Variants in TBC1D10C observed in about 807,000 individuals in gnomAD.
TBC1D10C encodes the protein TBC1 domain family member 10C.
TBC1D10C carries 49 observed loss-of-function variants against 51.0 expected under a neutral mutation model. That is an observed-to-expected ratio of 0.96 (90% confidence interval 0.76 to 1.22). The LOEUF (loss-of-function observed/expected upper bound fraction) is 1.22, where lower values mean the gene tolerates loss of function less well. Ranked by LOEUF, TBC1D10C falls within the 50% of genes most tolerant of loss-of-function variation. The probability of loss-of-function intolerance (pLI) is 0.00; values close to 1 mark genes in which losing one functional copy is unlikely to be tolerated. For synonymous variants in TBC1D10C, 281 were observed against 266.7 expected (o/e 1.05, Z -0.52); for missense variants, 541 against 617.5 (o/e 0.88, Z 1.31).
chr11:67,406,751 G>A lies in TBC1D10C; in HGVS notation c.648+59G>A, dbSNP rs771782224. ...GGGCAGGGGCCCGGTGAGTGGGTGG[G>A]GGTCTGGGGACTGAGGGAGGTTGAG... On this transcript the variant is annotated intron_variant, in intron 6 of 8. Coordinates refer to ENST00000542590, the MANE Select transcript of TBC1D10C (RefSeq NM_001369496.1). 4 of 1,600,092 alleles carry A rather than the reference G, an allele frequency of 2.5e-6. No individual in the cohort carries two copies. In the Admixed American group the frequency reaches 5.2e-5, roughly 21 times the overall value.
At position 67,405,426 on chromosome 11, in the gene TBC1D10C, C is replaced by G. The variant is rs1000494452; in HGVS notation, c.280C>G (p.Pro94Ala). ...KVKMQCRKGI[P>A]SALRARCWPL... ...AAAGATGCAGTGCCGGAAAGGCATC[C>G]CGTCTGCCCTGCGCGCCCGATGCTG... is the stretch of plus-strand genomic sequence containing the variant. The change falls in exon 3 of 9, where the codon CCG (proline) becomes GCG (alanine). Residue 94 changes from proline (P) to alanine (A), a missense_variant. Physicochemically the swap from Pro to Ala is conservative, Grantham distance 27 (BLOSUM62 -1). Transcript: ENST00000542590. 20 of 1,613,526 alleles carry G rather than the reference C, an allele frequency of 1.2e-5. No individual in the cohort carries two copies. The highest frequency in any genetic ancestry group is 1.4e-5 in the Non-Finnish European group (17 of 1,180,002).
chr11:67,409,814 C>A lies in TBC1D10C; in HGVS notation c.*60C>A. 1 of 1,381,884 alleles carries A rather than the reference C, an allele frequency of 7.2e-7. No individual in the cohort carries two copies. Among genetic ancestry groups the A allele is most frequent in the Non-Finnish European group, 9.7e-7 (1 of 1,026,158 alleles). 85.6% of individuals were successfully genotyped at this position (1,381,884 alleles called of 1,614,324 possible). A position where few individuals can be genotyped will look rare whatever the true frequency, so the allele number is the denominator to read the frequency against. On this transcript the variant is annotated 3_prime_UTR_variant, in exon 9 of 9. Coordinates refer to ENST00000542590, the MANE Select transcript of TBC1D10C (RefSeq NM_001369496.1). Reference sequence around the variant, plus strand: ...TGCCTGATGGCTGATGCCGGCCCGGCAAATAGGCACCGCACTTTACTCTTG... The same window carrying A: ...TGCCTGATGGCTGATGCCGGCCCGGAAAATAGGCACCGCACTTTACTCTTG...
intron 1 of TBC1D10C, 21 bp downstream of exon 1, chr11:67,404,375 C>T (rs1863054752): frequency 2.6e-6 from 4 of 1,548,264 alleles, no homozygotes; most frequent in Non-Finnish European, 3.5e-6. Flanking sequence ...AGGGTGAGGG[C>T]TGGCGGAATG....
chr11:67,407,152 C>T lies in TBC1D10C; in HGVS notation c.838+136C>T, dbSNP rs575049158. On this transcript the variant is annotated intron_variant, in intron 7 of 8. Transcript: ENST00000542590. ...CCGAAGGTGATGGCCTGGTGCCTGGCGCTACATCACCCATCACCCATCACC... is the reference window on the plus strand; with the variant it reads ...CCGAAGGTGATGGCCTGGTGCCTGGTGCTACATCACCCATCACCCATCACC... 2.0e-4 allele frequency: 207 copies of T among 1,056,992 alleles called. No homozygotes were observed. The African/African-American group carries it at 2.6e-3, about 13-fold the overall frequency. The allele number at this position is 1,056,992 out of a possible 1,614,324, so 65.5% of individuals were successfully genotyped here.
Position 67,404,130 on chromosome 11 carries a change from G to C in TBC1D10C, c.-73G>C. On this transcript the variant is annotated 5_prime_UTR_variant, in exon 1 of 9. Coordinates refer to ENST00000542590, the MANE Select transcript of TBC1D10C (RefSeq NM_001369496.1). ...CTCTGACCCCGCAGCCAGGCCCCAG[G>C]CTGGCCGGGAGTGGCCCCTCACACT... 1 of 1,391,630 alleles carries C rather than the reference G, an allele frequency of 7.2e-7. No homozygotes were observed. The highest frequency in any genetic ancestry group is 1.5e-5 in the South Asian group (1 of 64,600). 86.2% of individuals were successfully genotyped at this position (1,391,630 alleles called of 1,614,324 possible).
chr11:67,409,683 C>CGGGGCCCCCCCATCGA lies in TBC1D10C; in HGVS notation c.1281_1296dup (p.Arg433HisfsTer26). ...TTTCCATGGGCTCCTGACTCGGGCCCGGGGCCCCCCCATCGAGGGGCCCCC... is the reference window on the plus strand; with the variant it reads ...TTTCCATGGGCTCCTGACTCGGGCCCGGGGCCCCCCCATCGAGGGGCCCCCCCATCGAGGGGCCCCC... On this transcript the variant is annotated frameshift_variant, in exon 9 of 9. Transcript: ENST00000542590. LOFTEE classifies it high-confidence loss of function. The CGGGGCCCCCCCATCGA allele has an allele frequency of 6.3e-7, 1 of 1,597,786 alleles. No individual in the cohort carries two copies. The highest frequency in any genetic ancestry group is 1.1e-5 in the South Asian group (1 of 90,382).
Position 67,405,086 on chromosome 11 carries a change from C to A in TBC1D10C, c.154C>A (p.Pro52Thr), listed in dbSNP as rs1475816174. Residue 52 changes from proline (P) to threonine (T), a missense_variant and splice_region_variant, in exon 2 of 9, where the codon CCG becomes ACG. Pro to Thr is a conservative substitution (Grantham distance 38). Coordinates refer to ENST00000542590, the MANE Select transcript of TBC1D10C (RefSeq NM_001369496.1). ...GATACCTGTGCCATGCACCCCCAGGCCGGGCCACCCACCTGCAGACCTCAT... is the reference window on the plus strand; with the variant it reads ...GATACCTGTGCCATGCACCCCCAGGACGGGCCACCCACCTGCAGACCTCAT... The part of the protein sequence containing the change: ...FIGGSSAEPG[P>T]GHPPADLIRQ... 4 of 1,550,200 alleles carry A rather than the reference C, an allele frequency of 2.6e-6. No individual in the cohort carries two copies. The African/African-American group carries it at 5.5e-5, about 21-fold the overall frequency.
intron 5 of TBC1D10C, chr11:67,406,241 T>C (rs1863159752): frequency 1.9e-6 from 1 of 527,962 alleles, no homozygotes; most frequent in South Asian, 3.0e-5. Context: ...CATCTAGGAA[T>C]CTGGATGTTA....
intron 6 of TBC1D10C, 66 bp downstream of exon 6, chr11:67,406,758 G>C (rs1863180120): frequency 3.1e-6 from 5 of 1,604,490 alleles, no homozygotes; most frequent in Middle Eastern, 3.3e-4. Context: ...TGGGGGTCTG[G>C]GGACTGAGGG....
chr11:67,406,206 C>A (rs1168711139), intron 5 of TBC1D10C, 189 bp downstream of exon 5: 1 of 551,396 alleles, frequency 1.8e-6, no homozygotes, highest in Admixed American at 3.6e-5. Context: ...AACCTGGGAC[C>A]CTTGACCCCA....
chr11:67,406,618 C>G lies in TBC1D10C; in HGVS notation c.583-9C>G, dbSNP rs974604374. The stretch of plus-strand genomic sequence containing the variant: ...GCACTTACAGGCCTGTGCCCTGCCC[C>G]TTCCCCAGGAGGCCTTCTGGTGCCT... On this transcript the variant is annotated splice_polypyrimidine_tract_variant and intron_variant, in intron 5 of 8. Transcript: ENST00000542590. 10 of 1,564,436 alleles carry G rather than the reference C, an allele frequency of 6.4e-6. No individual in the cohort carries two copies. Among genetic ancestry groups the G allele is most frequent in the Non-Finnish European group, 8.7e-6 (10 of 1,153,832 alleles).
chr11:67,403,922 G>A (rs1863032270), upstream of TBC1D10C: 1 of 347,514 alleles, frequency 2.9e-6, no homozygotes, highest in African/African-American at 2.1e-5. Flanking sequence ...TGAGGAGGAG[G>A]AGGAAGTGAG....
In TBC1D10C at chr11:67,404,999, G is replaced by A. The variant is rs1275626528; in HGVS notation, c.153-86G>A. 14 of 1,277,940 alleles carry A rather than the reference G, an allele frequency of 1.1e-5. No homozygotes were observed. The East Asian group carries it at 3.0e-4, about 28-fold the overall frequency. The allele number at this position is 1,277,940 out of a possible 1,614,324, so 79.2% of individuals were successfully genotyped here. ...AGAGATCCCTAGGGCCAGGAGCTGG[G>A]TTCACCTGGGTAGCCTGGAGGGTGG... On this transcript the variant is annotated intron_variant, in intron 1 of 8. Transcript: ENST00000542590.
rs1044583607 is a variant in TBC1D10C at position 67,406,770 on chromosome 11, G to A, written c.649-57G>A. 7.5e-6 allele frequency: 12 copies of A among 1,609,108 alleles called. No individual in the cohort carries two copies. The Admixed American group carries it at 1.7e-4, about 23-fold the overall frequency. On this transcript the variant is annotated intron_variant, in intron 6 of 8. Coordinates refer to ENST00000542590, the MANE Select transcript of TBC1D10C (RefSeq NM_001369496.1). ...GGGTGGGGGTCTGGGGACTGAGGGA[G>A]GTTGAGCCTGGGCTCTGGGGGTGGC...
intron 8 of TBC1D10C, 104 bp from the exon 9 acceptor site, chr11:67,409,303 G>T: frequency 2.8e-6 from 4 of 1,404,318 alleles, no homozygotes; most frequent in Non-Finnish European, 3.8e-6. Flanking sequence ...CCCCAGTGAG[G>T]CTGTCAGCCC....
In TBC1D10C at chr11:67,405,402, A is replaced by G. The variant is rs1378340253; in HGVS notation, c.256A>G (p.Lys86Glu). The change falls in exon 3 of 9, where the codon AAG (lysine) becomes GAG (glutamate). Residue 86 changes from lysine to glutamate, a missense_variant. Physicochemically the swap from Lys to Glu is moderately conservative, Grantham distance 56. Transcript: ENST00000542590. ...GAGCCCTTGGCCTCACCCACAGGTA[A>G]AGATGCAGTGCCGGAAAGGCATCCC... The part of the protein sequence containing the change: ...KTMSRRYKKV[K>E]MQCRKGIPSA... 1 of 1,613,398 alleles carries G rather than the reference A, an allele frequency of 6.2e-7. No individual in the cohort carries two copies. Among genetic ancestry groups the G allele is most frequent in the Admixed American group, 1.7e-5 (1 of 59,996 alleles).
intron 1 of TBC1D10C, 49 bp from the exon 2 acceptor site, chr11:67,405,036 T>C (rs912709400): frequency 6.6e-7 from 1 of 1,513,828 alleles, no homozygotes. Context: ...AGTGTGGGCC[T>C]TGGGTAACAG....
intron 1 of TBC1D10C, 127 bp downstream of exon 1, chr11:67,404,481 C>A: frequency 9.6e-7 from 1 of 1,036,840 alleles, no homozygotes; most frequent in Non-Finnish European, 1.3e-6. Flanking sequence ...CCAGTAGCAC[C>A]CCTCTGCAGG....
chr11:67,406,870 G>A lies in TBC1D10C; in HGVS notation c.692G>A (p.Arg231Gln), dbSNP rs762026669. 47 of 1,609,924 alleles carry A rather than the reference G, an allele frequency of 2.9e-5. No homozygotes were observed. The highest frequency in any genetic ancestry group is 6.6e-5 in the South Asian group (6 of 91,018). ...GCCGAGGTGTTCATGGCCCTGCTGC[G>A]GCGGCTGCTTCCGCACGTGCACAAG... ...LDAEVFMALLRRLLPHVHKHL... is the reference protein window; with the variant it reads ...LDAEVFMALLQRLLPHVHKHL... The change falls in exon 7 of 9, where the codon CGG (arginine) becomes CAG (glutamine). Residue 231 changes from arginine (R) to glutamine (Q), a missense_variant. Transcript: ENST00000542590.
Sources: gnomAD v4.1 joint callset for allele counts on GRCh38, gnomAD v4.1.1 for gene constraint, MANE v1.5 for transcripts, NCBI Gene and HGNC (gene_info 2026-07-23, HGNC 2026-07-21) for gene names.